PODXL: variants seen among roughly 807,000 people sequenced by gnomAD.
PODXL encodes the protein podocalyxin like.
A neutral mutation model predicts 48.9 loss-of-function variants in PODXL; 20 were observed. The observed-to-expected ratio is 0.41, with a 90% CI of 0.29 to 0.59. The LOEUF (loss-of-function observed/expected upper bound fraction) is 0.59. PODXL is among the 20% of genes least tolerant of loss of function. The pLI, the probability that PODXL is intolerant of heterozygous loss-of-function variation, is 0.31. For synonymous variants in PODXL, 295 were observed against 287.4 expected, an observed-to-expected ratio of 1.03 and a Z score of -0.27; for missense variants, 606 against 675.1, an observed-to-expected ratio of 0.90 and a Z score of 1.13.
chr7:131,520,783 T>C (rs1183431617), intron 1 of PODXL, among the ~76,000 whole-genome samples: 2 of 152,192 alleles, frequency 1.3e-5, no homozygotes, highest in Non-Finnish European at 2.9e-5. Flanking sequence ...AGTTAAGAAT[T>C]TGTGTTCATC....
intron 1 of PODXL, among the ~76,000 whole-genome samples, chr7:131,537,182 T>G (rs1285580385): frequency 1.3e-5 from 2 of 151,636 alleles, no homozygotes; most frequent in Non-Finnish European, 2.9e-5. Context: ...CCTGGTGGTG[T>G]GTACCTGTAG....
intron 1 of PODXL, among the ~76,000 whole-genome samples, chr7:131,540,241 C>T (rs1404626832): frequency 6.6e-6 from 1 of 152,104 alleles, no homozygotes; most frequent in Non-Finnish European, 1.5e-5. Flanking sequence ...GAGATACGGT[C>T]TCACTCTGTT....
chr7:131,555,818 T>A (rs1269135365), intron 1 of PODXL, among the ~76,000 whole-genome samples: 1 of 152,208 alleles, frequency 6.6e-6, no homozygotes, highest in Non-Finnish European at 1.5e-5. Context: ...AGGGACTTCC[T>A]CGGGAGCCTC....
At position 131,511,067 on chromosome 7, in the gene PODXL, G is replaced by A; in HGVS notation, c.467C>T (p.Thr156Ile). ...TSSQNGAEDT[T>I]NSGGKSSHSV... The stretch of plus-strand genomic sequence containing the variant: ...GTGGCTGCTTTTCCCCCCAGAGTTT[G>A]TTGTATCTTCTGCTCCATTCTGGCT... Residue 156 changes from threonine to isoleucine, a missense_variant, in exon 2 of 9, where the codon ACA (threonine) becomes ATA (isoleucine). Coordinates refer to ENST00000378555, the MANE Select transcript of PODXL (RefSeq NM_001018111.3). 6.2e-7 allele frequency: 1 copy of A among 1,614,136 alleles called. No homozygotes were observed. The highest frequency in any genetic ancestry group is 8.5e-7 in the Non-Finnish European group (1 of 1,180,028).
intron 1 of PODXL, among the ~76,000 whole-genome samples, chr7:131,524,669 C>T (rs1394265334): frequency 6.6e-6 from 1 of 152,062 alleles, no homozygotes; most frequent in African/African-American, 2.4e-5. Context: ...CACAATGGTA[C>T]AGATAATTTG....
intron 5 of PODXL, among the ~76,000 whole-genome samples, chr7:131,508,656 C>T (rs971502240): frequency 7.2e-6 from 1 of 139,500 alleles, no homozygotes; most frequent in Non-Finnish European, 1.5e-5. Flanking sequence ...GATCAGGGTC[C>T]CTCAACTCAG....
intron 1 of PODXL, among the ~76,000 whole-genome samples, chr7:131,540,562 C>T (rs749000152): frequency 1.3e-5 from 2 of 152,160 alleles, no homozygotes; most frequent in Non-Finnish European, 2.9e-5. Context: ...CCCAGGAGCA[C>T]CTGCAACCTG....
chr7:131,536,353 G>C (rs1798373491), intron 1 of PODXL, among the ~76,000 whole-genome samples: 1 of 152,196 alleles, frequency 6.6e-6, no homozygotes, highest in South Asian at 2.1e-4. Flanking sequence ...CCTCTGGATG[G>C]CTGGTGCTGT....
At chr7:131,554,772 C>G (rs529867586) in intron 1 of PODXL, among the ~76,000 whole-genome samples, 29 of 152,292 alleles carry the variant, frequency 1.9e-4, no homozygotes, top group Middle Eastern at 3.4e-3. Flanking sequence ...CAACGCCCTT[C>G]TGGGTGGTTC....
chr7:131,521,863 A>G (rs750370148), intron 1 of PODXL, among the ~76,000 whole-genome samples: 42 of 152,234 alleles, frequency 2.8e-4, no homozygotes, highest in Non-Finnish European at 5.4e-4. Flanking sequence ...ACATTCCCAC[A>G]GGGCAGGAAA....
At chr7:131,510,778 C>A in intron 2 of PODXL, 50 bp downstream of exon 2, 1 of 1,609,362 alleles carries the variant, frequency 6.2e-7, no homozygotes, top group South Asian at 1.1e-5. Context: ...GCCATCACGC[C>A]TGGCCCTGAA....
intron 1 of PODXL, chr7:131,520,199 C>A: frequency 2.9e-6 from 1 of 344,128 alleles, no homozygotes. Flanking sequence ...AGGTGGTGAC[C>A]CGAGAATGCA....
intron 1 of PODXL, among the ~76,000 whole-genome samples, chr7:131,536,126 T>C (rs1183098259): frequency 6.6e-6 from 1 of 152,130 alleles, no homozygotes; most frequent in Non-Finnish European, 1.5e-5. Flanking sequence ...CTGACAAGTG[T>C]CACTTGTACT....
intron 1 of PODXL, among the ~76,000 whole-genome samples, chr7:131,532,626 A>T (rs1009496544): frequency 6.6e-6 from 1 of 151,926 alleles, no homozygotes; most frequent in African/African-American, 2.4e-5. Flanking sequence ...GCTTGGGCTC[A>T]GGGCCCCAAA....
At chr7:131,546,925 C>T (rs978882595) in intron 1 of PODXL, among the ~76,000 whole-genome samples, 2 of 152,066 alleles carry the variant, frequency 1.3e-5, no homozygotes, top group Non-Finnish European at 2.9e-5. Context: ...TGCCTCCCCG[C>T]ACTGAGGCCC....
intron 1 of PODXL, among the ~76,000 whole-genome samples, chr7:131,549,271 C>T (rs1798632338): frequency 6.6e-6 from 1 of 152,094 alleles, no homozygotes; most frequent in South Asian, 2.1e-4. Context: ...GGGAGAAGAG[C>T]TGGTTGTATG....
Position 131,556,253 on chromosome 7 carries a change from C to T in PODXL, c.100+7G>A, listed in dbSNP as rs780187852. On this transcript the variant is annotated splice_region_variant and intron_variant, in intron 1 of 8. Transcript: ENST00000378555. The stretch of plus-strand genomic sequence containing the variant: ...GAGTCCCGGCGGAACCCAGGCCGGC[C>T]ACTCACCATTCTGGGAGGGCGACGG... The T allele has an allele frequency of 4.7e-6, 7 of 1,476,974 alleles. No individual in the cohort carries two copies. In the South Asian group the frequency reaches 9.2e-5, roughly 19 times the overall value. The allele number at this position is 1,476,974 out of a possible 1,614,324, so 91.5% of individuals were successfully genotyped here.
At chr7:131,535,962 T>C (rs1798368304) in intron 1 of PODXL, among the ~76,000 whole-genome samples, 1 of 152,186 alleles carries the variant, frequency 6.6e-6, no homozygotes. Context: ...CTCACTATGT[T>C]ATCCAGGCTG....
chr7:131,510,712 T>C, intron 2 of PODXL, 116 bp downstream of exon 2: 4 of 1,204,138 alleles, frequency 3.3e-6, no homozygotes, highest in Non-Finnish European at 4.8e-6. Flanking sequence ...CCTCAGGTGA[T>C]CCACCTGTCT....
Sources: allele counts gnomAD v4.1 joint callset (sites outside exome capture counted in the v4.1 genomes callset), GRCh38; gene constraint gnomAD v4.1.1; transcripts MANE v1.5; gene names NCBI Gene and HGNC (gene_info 2026-07-23, HGNC 2026-07-21).